MEIS1: variants seen among roughly 807,000 people sequenced by gnomAD.
MEIS1 encodes the protein Meis homeobox 1.
MEIS1 carries 5 observed loss-of-function variants against 50.8 expected under a neutral mutation model. The ratio of observed to expected loss-of-function variants is 0.10; its 90% CI spans 0.05 to 0.21. The LOEUF is 0.21. Ranked by LOEUF, MEIS1 falls within the 10% of genes least tolerant of loss-of-function variation. The pLI is 1.00. For synonymous variants in MEIS1, 176 were observed against 179.3 expected (o/e 0.98, Z 0.15); for missense variants, 318 against 517.3 (o/e 0.61, Z 3.74).
Position 66,572,122 on chromosome 2 carries a change from G to A in MEIS1, c.*914G>A, listed in dbSNP as rs1362317757. 1.3e-5 allele frequency: 2 copies of A among 152,694 alleles called. No individual in the cohort carries two copies. The highest frequency in any genetic ancestry group is 2.9e-5 in the Non-Finnish European group (2 of 68,498). 9.5% of individuals were successfully genotyped at this position (152,694 alleles called of 1,614,324 possible). On this transcript the variant is annotated 3_prime_UTR_variant, in exon 13 of 13. Coordinates refer to ENST00000272369, the MANE Select transcript of MEIS1 (RefSeq NM_002398.3). ...GCCTGAACAGATGTAAATCGGGAAGGATGGGAAAAACTGCAGTCATCAACA... is the reference window on the plus strand; with the variant it reads ...GCCTGAACAGATGTAAATCGGGAAGAATGGGAAAAACTGCAGTCATCAACA...
At chr2:66,569,265 G>T in intron 12 of MEIS1, 120 bp downstream of exon 12, 1 of 808,934 alleles carries the variant, frequency 1.2e-6, no homozygotes, top group South Asian at 1.8e-5. Context: ...TTAAACTCCT[G>T]GTTTCTTGCT....
intron 8 of MEIS1, among the ~76,000 whole-genome samples, chr2:66,528,838 C>T (rs570918832): frequency 3.3e-5 from 5 of 152,230 alleles, no homozygotes; most frequent in South Asian, 4.2e-4. Context: ...GACAAACATC[C>T]GTGGTGTGCC....
chr2:66,557,336 T>C (rs1675092130), intron 9 of MEIS1, among the ~76,000 whole-genome samples: 1 of 152,194 alleles, frequency 6.6e-6, no homozygotes, highest in African/African-American at 2.4e-5. Context: ...TTTTAGTGTG[T>C]TCACAGAGTT....
intron 7 of MEIS1, among the ~76,000 whole-genome samples, chr2:66,497,125 G>T (rs1222384850): frequency 6.6e-6 from 1 of 152,074 alleles, no homozygotes; most frequent in Non-Finnish European, 1.5e-5. Flanking sequence ...CAATAAGAAA[G>T]GACTGTCTCT....
At chr2:66,513,865 A>G (rs1194058873) in intron 8 of MEIS1, among the ~76,000 whole-genome samples, 2 of 152,226 alleles carry the variant, frequency 1.3e-5, no homozygotes, top group African/African-American at 4.8e-5. Flanking sequence ...AGGATTATCA[A>G]TCACTAATGA....
At chr2:66,454,469 T>C (rs1235234022) in intron 6 of MEIS1, among the ~76,000 whole-genome samples, 1 of 152,080 alleles carries the variant, frequency 6.6e-6, no homozygotes, top group East Asian at 1.9e-4. Context: ...ATAACAGTTA[T>C]GTAAGGACCC....
intron 9 of MEIS1, among the ~76,000 whole-genome samples, chr2:66,562,835 T>G (rs1304415261): frequency 6.6e-6 from 1 of 152,158 alleles, no homozygotes; most frequent in Non-Finnish European, 1.5e-5. Context: ...TTCCACCACC[T>G]GCAGGGAGTC....
In MEIS1 at chr2:66,551,232, G is replaced by A. The variant is rs1408792000; in HGVS notation, c.965+3213G>A. Among the ~76,000 whole-genome samples, 9 of 152,196 alleles carry A rather than the reference G, an allele frequency of 5.9e-5. No homozygotes were observed. The South Asian group carries it at 1.0e-3, about 18-fold the overall frequency. ...GACAAGAAGTTTGCTACATTTTAAT[G>A]GTTCTTTCACTTCATCACTGAACTA... On this transcript the variant is annotated intron_variant, in intron 9 of 12. Transcript: ENST00000272369.
intron 6 of MEIS1, chr2:66,462,021 G>A (rs138529304): frequency 5.6e-6 from 2 of 359,846 alleles, no homozygotes; most frequent in Admixed American, 3.9e-5. Context: ...TCTACATCCT[G>A]CACAGTAGAA....
chr2:66,568,568 T>C (rs1675407513), intron 10 of MEIS1, 99 bp from the exon 11 acceptor site: 5 of 909,798 alleles, frequency 5.5e-6, no homozygotes, highest in Non-Finnish European at 9.1e-6. Flanking sequence ...TGCTATGTTC[T>C]GTCTCTTTCT....
At chr2:66,565,904 A>C (rs1464181948) in intron 9 of MEIS1, among the ~76,000 whole-genome samples, 1 of 152,130 alleles carries the variant, frequency 6.6e-6, no homozygotes, top group African/African-American at 2.4e-5. Flanking sequence ...GCAGCTAATG[A>C]AAAAACAGAT....
At chr2:66,457,937 T>C (rs1188019217) in intron 6 of MEIS1, among the ~76,000 whole-genome samples, 2 of 152,182 alleles carry the variant, frequency 1.3e-5, no homozygotes, top group Non-Finnish European at 2.9e-5. Flanking sequence ...CACTAGAGAT[T>C]ACTTACTAAA....
At chr2:66,476,640 C>T (rs1672899229) in intron 7 of MEIS1, among the ~76,000 whole-genome samples, 1 of 152,148 alleles carries the variant, frequency 6.6e-6, no homozygotes, top group South Asian at 2.1e-4. Context: ...ACAGGGGCAG[C>T]ACCTGCCTGG....
chr2:66,462,866 T>A (rs1472279007), intron 6 of MEIS1, among the ~76,000 whole-genome samples: 1 of 152,156 alleles, frequency 6.6e-6, no homozygotes, highest in Admixed American at 6.5e-5. Context: ...TTATTTTCAT[T>A]TTTCAGGCTG....
intron 8 of MEIS1, among the ~76,000 whole-genome samples, chr2:66,531,077 C>A (rs903071946): frequency 6.6e-6 from 1 of 152,164 alleles, no homozygotes; most frequent in Non-Finnish European, 1.5e-5. Flanking sequence ...TACACGTTAA[C>A]AGGTGAACAA....
At chr2:66,459,107 C>T (rs1019709630) in intron 6 of MEIS1, among the ~76,000 whole-genome samples, 2 of 152,060 alleles carry the variant, frequency 1.3e-5, no homozygotes, top group African/African-American at 4.8e-5. Flanking sequence ...AGCAGAGCCT[C>T]ACTCATCCAG....
At chr2:66,554,610 GAC>G (rs1675006496) in intron 9 of MEIS1, among the ~76,000 whole-genome samples, 1 of 152,184 alleles carries the variant, frequency 6.6e-6, no homozygotes. Context: ...GGATTTGGGC[GAC>G]AGTGTCCTCT....
At chr2:66,569,358 A>T (rs976434171) in intron 12 of MEIS1, 1 of 445,328 alleles carries the variant, frequency 2.2e-6, no homozygotes, top group Non-Finnish European at 4.1e-6. Context: ...GTGTGTTGCT[A>T]TTGTACAGTA....
chr2:66,550,225 A>G (rs1399241029), intron 9 of MEIS1, among the ~76,000 whole-genome samples: 1 of 152,198 alleles, frequency 6.6e-6, no homozygotes, highest in East Asian at 1.9e-4. Flanking sequence ...CACTTTGTGC[A>G]GTGTGTGGTT....
Sources: allele counts gnomAD v4.1 joint callset (sites outside exome capture counted in the v4.1 genomes callset), GRCh38; gene constraint gnomAD v4.1.1; transcripts MANE v1.5; gene names NCBI Gene and HGNC (gene_info 2026-07-23, HGNC 2026-07-21).